Variants in ARHGAP42 observed in about 807,000 individuals in gnomAD.
The protein encoded by ARHGAP42 is Rho GTPase activating protein 42.
Under a neutral mutation model 125.0 loss-of-function variants are expected in ARHGAP42, and 63 were observed. The ratio of observed to expected loss-of-function variants is 0.50; its 90% confidence interval spans 0.41 to 0.62. The LOEUF is 0.62. Ranked by LOEUF, ARHGAP42 falls within the 20% of genes least tolerant of loss-of-function variation. The pLI is 0.00. For missense variants in ARHGAP42, 766 were observed against 1,024.2 expected, an observed-to-expected ratio of 0.75 and a Z score of 3.44; for synonymous variants, 339 against 351.0, an observed-to-expected ratio of 0.97 and a Z score of 0.38.
At chr11:100,822,739 T>C (rs1038397742) in intron 3 of ARHGAP42, among the ~76,000 whole-genome samples, 7 of 152,154 alleles carry the variant, frequency 4.6e-5, no homozygotes, top group Non-Finnish European at 1.0e-4. Flanking sequence ...AGTTTGATTG[T>C]TACCCTTTTT....
intron 1 of ARHGAP42, among the ~76,000 whole-genome samples, chr11:100,752,304 C>T (rs554428449): frequency 6.6e-6 from 1 of 152,276 alleles, no homozygotes; most frequent in South Asian, 2.1e-4. Context: ...AAAGAAGTTC[C>T]CTTTTCCAAG....
rs1858849016 is a variant in ARHGAP42 at position 100,992,232 on chromosome 11, A to G, written c.*3431A>G. 6.7e-7 allele frequency: 1 copy of G among 1,484,420 alleles called. No individual in the cohort carries two copies. The highest frequency in any genetic ancestry group is 2.3e-5 in the East Asian group (1 of 43,602). 92.0% of individuals were successfully genotyped at this position (1,484,420 alleles called of 1,614,324 possible). A position where few individuals can be genotyped will look rare whatever the true frequency, so the allele number is the denominator to read the frequency against. ...CCAACTAGACTTATACTTTGACTAA[A>G]GTCAGAGGCAGACCAATTTAGGGAA... On this transcript the variant is annotated 3_prime_UTR_variant, in exon 24 of 24. Transcript: ENST00000298815.
Position 100,992,649 on chromosome 11 carries a change from T to C in ARHGAP42, c.*3848T>C, listed in dbSNP as rs1467076933. 3 of 1,611,644 alleles carry C rather than the reference T, an allele frequency of 1.9e-6. No individual in the cohort carries two copies. In the African/African-American group the frequency reaches 4.0e-5, roughly 22 times the overall value. ...ACCGTTATCCCCCTGCTTCAAAATG[T>C]GCCAGTTCCACTTGGTAATAACGTT... On this transcript the variant is annotated 3_prime_UTR_variant, in exon 24 of 24. Transcript: ENST00000298815.
chr11:100,814,047 G>A (rs1864208207), intron 3 of ARHGAP42, among the ~76,000 whole-genome samples: 1 of 152,142 alleles, frequency 6.6e-6, no homozygotes, highest in Non-Finnish European at 1.5e-5. Flanking sequence ...AAAAAAATTA[G>A]CTGGGCATGG....
intron 4 of ARHGAP42, among the ~76,000 whole-genome samples, chr11:100,899,038 T>A (rs761146814): frequency 2.6e-5 from 4 of 152,244 alleles, no homozygotes; most frequent in African/African-American, 9.6e-5. Context: ...TCTGGTACAT[T>A]GTGTCTTTGT....
chr11:100,849,122 A>AT (rs1052397211), intron 3 of ARHGAP42, among the ~76,000 whole-genome samples: 1 of 152,158 alleles, frequency 6.6e-6, no homozygotes, highest in African/African-American at 2.4e-5. Flanking sequence ...AAATGATTGT[A>AT]TTTTCTGTTG....
chr11:100,806,519 T>C (rs973601575), intron 3 of ARHGAP42, among the ~76,000 whole-genome samples: 3 of 152,180 alleles, frequency 2.0e-5, no homozygotes, highest in Non-Finnish European at 2.9e-5. Flanking sequence ...ATGTCTTAGG[T>C]TAACTTTAAT....
At chr11:100,918,399 T>TA (rs1366859275) in intron 5 of ARHGAP42, among the ~76,000 whole-genome samples, 1 of 152,198 alleles carries the variant, frequency 6.6e-6, no homozygotes, top group East Asian at 1.9e-4. Context: ...TGCAGAACCA[T>TA]ATGGTTTTCT....
chr11:100,886,966 A>G (rs1166372114), intron 4 of ARHGAP42, among the ~76,000 whole-genome samples: 1 of 152,156 alleles, frequency 6.6e-6, no homozygotes, highest in South Asian at 2.1e-4. Flanking sequence ...TGTGTTTGTA[A>G]GCATTTTGTC....
At position 100,906,351 on chromosome 11, in the gene ARHGAP42, C is replaced by T. The variant is rs559736645; in HGVS notation, c.385-7101C>T. 3.9e-5 allele frequency among the ~76,000 whole-genome samples: 6 copies of T among 152,216 alleles called. No homozygotes were observed. The South Asian group carries it at 1.2e-3, about 32-fold the overall frequency. On this transcript the variant is annotated intron_variant, in intron 4 of 23. Transcript: ENST00000298815. ...AAAGCTAGGTTTGAATGAATTAGTC[C>T]TCAGAAATTTGAAGGCTATGGATTT...
rs1341062580 is a variant in ARHGAP42 at position 100,760,052 on chromosome 11, A to C, written c.155-10291A>C. 2.0e-5 allele frequency among the ~76,000 whole-genome samples: 3 copies of C among 152,218 alleles called. No homozygotes were observed. The East Asian group carries it at 5.8e-4, about 29-fold the overall frequency. ...TTAAAGGTACGTTAATAGGACTGAA[A>C]TTAACCACATGCACCATCCTTAATT... On this transcript the variant is annotated intron_variant, in intron 1 of 23. Transcript: ENST00000298815.
intron 1 of ARHGAP42, among the ~76,000 whole-genome samples, chr11:100,766,395 CTT>C (rs1409628872): frequency 6.6e-6 from 1 of 152,104 alleles, no homozygotes; most frequent in African/African-American, 2.4e-5. Context: ...AAAGTTGACT[CTT>C]TAGTATGATA....
At chr11:100,711,235 T>G (rs776866283) in intron 1 of ARHGAP42, among the ~76,000 whole-genome samples, 38 of 152,344 alleles carry the variant, frequency 2.5e-4, no homozygotes, top group East Asian at 9.6e-4. Flanking sequence ...TTCCCTTGGC[T>G]TCTTGGGAGC....
intron 23 of ARHGAP42, among the ~76,000 whole-genome samples, 167 bp from the exon 24 acceptor site, chr11:100,988,546 T>G (rs1248809911): frequency 6.6e-6 from 1 of 152,182 alleles, no homozygotes; most frequent in Non-Finnish European, 1.5e-5. Context: ...TCATTTTATA[T>G]CAGGGACATG....
intron 22 of ARHGAP42, among the ~76,000 whole-genome samples, chr11:100,982,916 C>G (rs2135330970): frequency 6.6e-6 from 1 of 152,256 alleles, no homozygotes; most frequent in East Asian, 1.9e-4. Context: ...ACATAAGATG[C>G]AGAAATCACC....
intron 1 of ARHGAP42, among the ~76,000 whole-genome samples, chr11:100,725,438 G>A (rs1169651861): frequency 6.6e-6 from 1 of 151,606 alleles, no homozygotes; most frequent in Non-Finnish European, 1.5e-5. Flanking sequence ...CAAAGTGCTG[G>A]GATTACAGGC....
intron 22 of ARHGAP42, chr11:100,986,044 A>G (rs1858670261): frequency 2.2e-6 from 1 of 456,686 alleles, no homozygotes; most frequent in South Asian, 1.5e-5. Flanking sequence ...AACCCAGAAC[A>G]TCTTTCCTTT....
chr11:100,826,658 G>A (rs777431420), intron 3 of ARHGAP42, among the ~76,000 whole-genome samples: 14 of 152,100 alleles, frequency 9.2e-5, no homozygotes, highest in Admixed American at 1.3e-4. Flanking sequence ...CCAATTTTAA[G>A]ATTACAAGAT....
chr11:100,872,344 T>A (rs1215853379), intron 4 of ARHGAP42, among the ~76,000 whole-genome samples: 2 of 152,142 alleles, frequency 1.3e-5, no homozygotes, highest in Non-Finnish European at 2.9e-5. Context: ...TTGGTGAGAC[T>A]TTTTACTATG....
Sources: gnomAD v4.1 joint callset for allele counts (sites outside exome capture counted in the v4.1 genomes callset) on GRCh38, gnomAD v4.1.1 for gene constraint, MANE v1.5 for transcripts, NCBI Gene and HGNC (gene_info 2026-07-23, HGNC 2026-07-21) for gene names.